The following OSBPL7 variants were observed in gnomAD, a reference collection of about 807,000 sequenced individuals.
OSBPL7 encodes oxysterol-binding protein-related protein 7.
OSBPL7 carries 66 observed loss-of-function variants against 115.8 expected under a neutral mutation model. The ratio of observed to expected loss-of-function variants is 0.57; its 90% CI spans 0.47 to 0.70. OSBPL7 has a LOEUF of 0.70. Ranked by LOEUF, OSBPL7 falls within the 30% of genes least tolerant of loss-of-function variation. The pLI, the probability that OSBPL7 is intolerant of heterozygous loss-of-function variation, is 0.00. For missense variants in OSBPL7, 902 were observed against 1,125.5 expected, an observed-to-expected ratio of 0.80 and a Z score of 2.84; for synonymous variants, 441 against 439.2, an observed-to-expected ratio of 1.00 and a Z score of -0.05.
Position 47,817,471 on chromosome 17 carries a change from C to A in OSBPL7, c.599-112G>T. 7.5e-6 allele frequency: 5 copies of A among 665,548 alleles called. 1 individual carries two copies. The South Asian group carries it at 8.9e-5, about 12-fold the overall frequency. 41.2% of individuals were successfully genotyped at this position (665,548 alleles called of 1,614,324 possible). A position where few individuals can be genotyped will look rare whatever the true frequency, so the allele number is the denominator to read the frequency against. ...ATGGCGTGATCTCGGCTCACTGCAA[C>A]CTCTGCCTCCCAGGTTCAAGTGATT... On this transcript the variant is annotated intron_variant, in intron 7 of 22. Coordinates refer to ENST00000007414, the MANE Select transcript of OSBPL7 (RefSeq NM_145798.3).
At chr17:47,815,407 G>A in intron 12 of OSBPL7, 55 bp from the exon 13 acceptor site, 3 of 1,604,982 alleles carry the variant, frequency 1.9e-6, no homozygotes, top group East Asian at 2.2e-5. Flanking sequence ...GGGGGATCAA[G>A]CAGGGCACCC....
chr17:47,815,893 A>G (rs761120049), intron 12 of OSBPL7: 39 of 505,788 alleles, frequency 7.7e-5, no homozygotes, highest in Middle Eastern at 5.2e-4. Context: ...ACTGCATCAG[A>G]GGACCCCGAA....
intron 4 of OSBPL7, chr17:47,819,434 C>G: frequency 1.7e-6 from 1 of 571,730 alleles, no homozygotes; most frequent in Non-Finnish European, 3.1e-6. Flanking sequence ...GAGAATGGGA[C>G]CAGGATGAGG....
chr17:47,814,513 G>T lies in OSBPL7; in HGVS notation c.1351+8C>A, dbSNP rs1187355254. On this transcript the variant is annotated splice_region_variant and intron_variant, in intron 14 of 22. Transcript: ENST00000007414. ...CCACCCCTCCCTGCCTGCCCACCCA[G>T]CTGGCACCTTTCTGACAGCGCTCAG... is the stretch of plus-strand genomic sequence containing the variant. The T allele has an allele frequency of 3.0e-6, 2 of 666,446 alleles. No individual in the cohort carries two copies. The highest frequency in any genetic ancestry group is 2.1e-5 in the African/African-American group (1 of 47,390). The allele number at this position is 666,446 out of a possible 1,614,324, so 41.3% of individuals were successfully genotyped here. A position where few individuals can be genotyped will look rare whatever the true frequency, so the allele number is the denominator to read the frequency against.
In OSBPL7 at chr17:47,817,239, G is replaced by A; in HGVS notation, c.702+17C>T. 1.9e-6 allele frequency: 3 copies of A among 1,569,430 alleles called. No homozygotes were observed. The highest frequency in any genetic ancestry group is 2.6e-6 in the Non-Finnish European group (3 of 1,159,778). ...CGGGGGCCTGAGCAGGACCCTGTGT[G>A]TACCCCTGGATCTTACCTGGTGTGT... On this transcript the variant is annotated intron_variant, in intron 8 of 22. Coordinates refer to ENST00000007414, the MANE Select transcript of OSBPL7 (RefSeq NM_145798.3).
chr17:47,815,258 T>G lies in OSBPL7; in HGVS notation c.1214A>C (p.Asp405Ala). 1 of 1,613,668 alleles carries G rather than the reference T, an allele frequency of 6.2e-7. No homozygotes were observed. Among genetic ancestry groups the G allele is most frequent in the Non-Finnish European group, 8.5e-7 (1 of 1,179,804 alleles). ...GGCGGAGAGGAGAACCTCGCAGGCA[T>G]CGAAGAACTCCGTGTGGGAATCAGC... ...SLADSHTEFF[D>A]ACEVLLSASS... The change falls in exon 13 of 23, where the codon GAT (aspartate) becomes GCT (alanine). Residue 405 changes from aspartate (D) to alanine (A), a missense_variant. By Grantham distance (126) the Asp-to-Ala change is moderately radical (BLOSUM62 -2). Transcript: ENST00000007414.
rs143565647 is a variant in OSBPL7 at position 47,816,140 on chromosome 17, C to T, written c.1086G>A (p.Thr362=). 51 of 1,551,212 alleles carry T rather than the reference C, an allele frequency of 3.3e-5. No homozygotes were observed. The highest frequency in any genetic ancestry group is 2.4e-4 in the East Asian group (10 of 40,906). The change falls in exon 12 of 23, where the codon ACG becomes ACA. Residue 362 remains threonine, a synonymous_variant. Coordinates refer to ENST00000007414, the MANE Select transcript of OSBPL7 (RefSeq NM_145798.3). This position sits in a 1 kb window ranked among gnomAD's most constrained non-coding sequence, Gnocchi z 5.8. ...LHSLSTSSDT[T]ADSFSSLNPE... ...GGTTGAGGGAGCTGAAAGAGTCCGC[C>T]GTGGTGTCGGAGGAGGTGGACAGTG...
In OSBPL7 at chr17:47,813,830, C is replaced by T. The variant is rs543934138; in HGVS notation, c.1356G>A (p.Gly452=). The change falls in exon 15 of 23, where the codon GGG becomes GGA. Residue 452 remains glycine, a synonymous_variant. Transcript: ENST00000007414. ...LRGAERCQKG[G]CVPGRPMGPP... is the part of the protein sequence containing the mutation. ...GCCCCATGGGTCTCCCTGGAACACA[C>T]CCCCCTGGGGCCGCCCTGCCATGTC... The T allele has an allele frequency of 1.9e-6, 3 of 1,606,870 alleles. No individual in the cohort carries two copies. Among genetic ancestry groups the T allele is most frequent in the East Asian group, 4.5e-5 (2 of 44,780 alleles).
Position 47,815,695 on chromosome 17 carries a change from A to G in OSBPL7, c.1120-343T>C, listed in dbSNP as rs538830088. 8.2e-4 allele frequency: 268 copies of G among 326,194 alleles called. 4 individuals carry two copies. In the South Asian group the frequency reaches 0.014, roughly 16 times the overall value. The allele number at this position is 326,194 out of a possible 1,614,324, so 20.2% of individuals were successfully genotyped here. A position where few individuals can be genotyped will look rare whatever the true frequency, so the allele number is the denominator to read the frequency against. Reference sequence around the variant, plus strand: ...TGCAATTATCACCCCCACTTTGCAGATTGGAATGCTGAGGCTCAGGATCAC... The same window carrying G: ...TGCAATTATCACCCCCACTTTGCAGGTTGGAATGCTGAGGCTCAGGATCAC... On this transcript the variant is annotated intron_variant, in intron 12 of 22. Coordinates refer to ENST00000007414, the MANE Select transcript of OSBPL7 (RefSeq NM_145798.3).
At position 47,814,539 on chromosome 17, in the gene OSBPL7, C is replaced by T; in HGVS notation, c.1333G>A (p.Ala445Thr). 1 of 1,613,634 alleles carries T rather than the reference C, an allele frequency of 6.2e-7. No individual in the cohort carries two copies. Among genetic ancestry groups the T allele is most frequent in the East Asian group, 2.2e-5 (1 of 44,840 alleles). Reference sequence around the variant, plus strand: ...CTGGCACCTTTCTGACAGCGCTCAGCTCCCCTGAGGTCCAGCATCTCCTCA... The same window carrying T: ...CTGGCACCTTTCTGACAGCGCTCAGTTCCCCTGAGGTCCAGCATCTCCTCA... ...LSEEMLDLRG[A>T]ERCQKGGCVP... Residue 445 changes from alanine to threonine, a missense_variant, in exon 14 of 23, where the codon GCT (alanine) becomes ACT (threonine). By Grantham distance (58) the Ala-to-Thr change is moderately conservative. Around this residue, in one of 3 missense-constraint regions of OSBPL7, gnomAD observed 667 missense variants for 788.7 expected, o/e 0.85. Transcript: ENST00000007414.
chr17:47,818,435 T>C (rs771400013), intron 6 of OSBPL7, 49 bp from the exon 7 acceptor site: 60 of 1,594,440 alleles, frequency 3.8e-5, no homozygotes, highest in Non-Finnish European at 5.0e-5. Flanking sequence ...CCTCCCTGGG[T>C]CTCACAGTTC....
In OSBPL7 at chr17:47,813,840, G is replaced by T; in HGVS notation, c.1352-6C>A. 6.2e-7 allele frequency: 1 copy of T among 1,602,218 alleles called. No individual in the cohort carries two copies. On this transcript the variant is annotated splice_region_variant and splice_polypyrimidine_tract_variant and intron_variant, in intron 14 of 22. Coordinates refer to ENST00000007414, the MANE Select transcript of OSBPL7 (RefSeq NM_145798.3). ...TCTCCCTGGAACACACCCCCCTGGG[G>T]CCGCCCTGCCATGTCACTCTCCATC...
chr17:47,810,860 G>A (rs1210588821), intron 16 of OSBPL7, 25 bp from the exon 17 acceptor site: 1 of 1,610,054 alleles, frequency 6.2e-7, no homozygotes, highest in Non-Finnish European at 8.5e-7. Context: ...AAGTTATCTT[G>A]AGGCTGTCCC....
At chr17:47,815,988 G>A (rs2033201578) in intron 12 of OSBPL7, 119 bp downstream of exon 12, 1 of 769,508 alleles carries the variant, frequency 1.3e-6, no homozygotes, top group East Asian at 2.8e-5. Flanking sequence ...AATGGAGCCA[G>A]GATTTTTGGG....
rs753639801 is a variant in OSBPL7 at position 47,818,583 on chromosome 17, C to T, written c.403G>A (p.Ala135Thr). The T allele has an allele frequency of 6.2e-6, 10 of 1,613,110 alleles. No individual in the cohort carries two copies. The South Asian group carries it at 9.9e-5, about 16-fold the overall frequency. ...GCTAGGCGGTGGGCACGCAGCTGCGCCACCCAGCTCTGGAATAGGTCCTGG... is the reference window on the plus strand; with the variant it reads ...GCTAGGCGGTGGGCACGCAGCTGCGTCACCCAGCTCTGGAATAGGTCCTGG... Reference protein sequence around the residue: ...KSQDLFQSWVAQLRAHRLAHR... With the variant: ...KSQDLFQSWVTQLRAHRLAHR... Residue 135 changes from alanine to threonine, a missense_variant, in exon 6 of 23, where the codon GCG (alanine) becomes ACG (threonine). This residue lies in a region of OSBPL7 where 667 missense variants were observed against 788.7 expected (regional missense o/e 0.85). Coordinates refer to ENST00000007414, the MANE Select transcript of OSBPL7 (RefSeq NM_145798.3).
In OSBPL7 at chr17:47,818,580, G is replaced by C; in HGVS notation, c.406C>G (p.Gln136Glu). ...SQDLFQSWVA[Q>E]LRAHRLAHRL... ...TGGGCTAGGCGGTGGGCACGCAGCT[G>C]CGCCACCCAGCTCTGGAATAGGTCC... Residue 136 changes from glutamine (Q) to glutamate (E), a missense_variant, in exon 6 of 23, where the codon CAG (glutamine) becomes GAG (glutamate). Transcript: ENST00000007414. The C allele has an allele frequency of 6.2e-7, 1 of 1,613,094 alleles. No individual in the cohort carries two copies. Among genetic ancestry groups the C allele is most frequent in the African/African-American group, 1.3e-5 (1 of 75,074 alleles).
chr17:47,815,600 C>T (rs1314509545), intron 12 of OSBPL7: 2 of 524,500 alleles, frequency 3.8e-6, no homozygotes, highest in Admixed American at 6.9e-5. Flanking sequence ...TGGCACTGAC[C>T]CTGAGCCCCA....
Position 47,815,334 on chromosome 17 carries a change from T to A in OSBPL7, c.1138A>T (p.Lys380Ter). ...NPEEQEALYM[K>*]GRELTPQLSQ... ...AGCTGGGGGGTGAGCTCGCGCCCCT[T>A]CATGTACAGAGCTTCTTGCTGTGGG... Residue 380 changes from lysine (K) to a stop codon, truncating the protein, a stop_gained, in exon 13 of 23, where the codon AAG (lysine) becomes TAG (stop). Coordinates refer to ENST00000007414, the MANE Select transcript of OSBPL7 (RefSeq NM_145798.3). LOFTEE classifies it high-confidence loss of function. 6.2e-7 allele frequency: 1 copy of A among 1,613,724 alleles called. No homozygotes were observed. Among genetic ancestry groups the A allele is most frequent in the South Asian group, 1.1e-5 (1 of 91,038 alleles).
rs201738756 is a variant in OSBPL7 at position 47,816,781 on chromosome 17, C to T, written c.794G>A (p.Arg265Gln). The T allele has an allele frequency of 1.4e-4, 219 of 1,614,156 alleles. No individual in the cohort carries two copies. The East Asian group carries it at 3.9e-3, about 28-fold the overall frequency. Residue 265 changes from arginine to glutamine, a missense_variant and splice_region_variant, in exon 9 of 23, where the codon CGG becomes CAG. By Grantham distance (43) the Arg-to-Gln change is conservative. Coordinates refer to ENST00000007414, the MANE Select transcript of OSBPL7 (RefSeq NM_145798.3). The surrounding 1 kb of genome is among the most constrained non-coding windows in gnomAD (Gnocchi z 5.8). ...QSFAKDDTIG[R>Q]VGRLHGSVPN... ...CGTGAGGTGCATGCCCGACCTCACC[C>T]GTCCAATGGTGTCATCCTTGGCAAA...
Sources: allele counts gnomAD v4.1 joint callset, GRCh38; gene constraint gnomAD v4.1.1; regional missense constraint gnomAD v4.1.1; non-coding constraint Gnocchi (gnomAD v3.1); transcripts MANE v1.5; gene names NCBI Gene and HGNC (gene_info 2026-07-23, HGNC 2026-07-21).